CYTH1: variants seen among roughly 807,000 people sequenced by gnomAD.
CYTH1 encodes cytohesin-1.
Under a neutral mutation model 61.8 loss-of-function variants are expected in CYTH1, and 18 were observed. The ratio of observed to expected loss-of-function variants is 0.29; its 90% CI spans 0.20 to 0.43. CYTH1 has a LOEUF of 0.43. Ranked by LOEUF, CYTH1 falls within the 20% of genes least tolerant of loss-of-function variation. The pLI is 1.00. For missense variants in CYTH1, 336 were observed against 510.5 expected, an observed-to-expected ratio of 0.66 and a Z score of 3.29; for synonymous variants, 174 against 184.3, an observed-to-expected ratio of 0.94 and a Z score of 0.45.
At position 78,701,735 on chromosome 17, in the gene CYTH1, G is replaced by T. The variant is rs2093011633; in HGVS notation, c.373C>A (p.Gln125Lys). The T allele has an allele frequency of 1.2e-6, 2 of 1,613,988 alleles. No homozygotes were observed. The highest frequency in any genetic ancestry group is 1.1e-5 in the South Asian group (1 of 91,080). The change falls in exon 6 of 14, where the codon CAG (glutamine) becomes AAG (lysine). Residue 125 changes from glutamine to lysine, a missense_variant. Transcript: ENST00000446868. ...YLGERDEFNIQVLHAFVELHE... is the reference protein window; with the variant it reads ...YLGERDEFNIKVLHAFVELHE... ...AGCTCCACAAATGCATGAAGAACCT[G>T]GATATTAAACTCATCTCTATCGAGA...
chr17:78,759,258 A>T (rs762310550), intron 1 of CYTH1, among the ~76,000 whole-genome samples: 2 of 152,138 alleles, frequency 1.3e-5, no homozygotes, highest in Non-Finnish European at 2.9e-5. Context: ...ACTAAAAGGT[A>T]CTCTCCAAAG....
chr17:78,736,743 G>C (rs369978896), intron 1 of CYTH1: 1 of 412,196 alleles, frequency 2.4e-6, no homozygotes, highest in South Asian at 1.8e-5. Flanking sequence ...AGCGGGACAC[G>C]AAAAGTCCGT....
intron 1 of CYTH1, among the ~76,000 whole-genome samples, chr17:78,744,569 A>C (rs1345130588): frequency 6.6e-6 from 1 of 152,174 alleles, no homozygotes; most frequent in Non-Finnish European, 1.5e-5. Flanking sequence ...GGTTCCTTCT[A>C]CTTTGGTTAC....
intron 1 of CYTH1, among the ~76,000 whole-genome samples, chr17:78,741,159 T>C (rs2093340434): frequency 6.6e-6 from 1 of 152,246 alleles, no homozygotes; most frequent in Non-Finnish European, 1.5e-5. Flanking sequence ...TTTTAATTAA[T>C]AAATCCCTTA....
intron 1 of CYTH1, among the ~76,000 whole-genome samples, chr17:78,780,435 G>C (rs1432195707): frequency 6.6e-6 from 1 of 152,232 alleles, no homozygotes; most frequent in Non-Finnish European, 1.5e-5. Flanking sequence ...AGGATTGCTT[G>C]AGCCAAGGAA....
chr17:78,767,232 C>T (rs554896457), intron 1 of CYTH1, among the ~76,000 whole-genome samples: 1 of 152,226 alleles, frequency 6.6e-6, no homozygotes, highest in African/African-American at 2.4e-5. Flanking sequence ...CTTTGGGAGT[C>T]CGAGATGGGA....
chr17:78,703,411 CAAAA>C (rs67437891), intron 3 of CYTH1, among the ~76,000 whole-genome samples: 2 of 69,680 alleles, frequency 2.9e-5, no homozygotes, highest in Admixed American at 1.9e-4. Flanking sequence ...ACTCCGTCTC[CAAAA>C]AAAAAAAAAA....
At chr17:78,685,163 C>A (rs1191696959) in intron 11 of CYTH1, among the ~76,000 whole-genome samples, 1 of 139,208 alleles carries the variant, frequency 7.2e-6, no homozygotes, top group Non-Finnish European at 1.5e-5. Flanking sequence ...AAGATCGTGC[C>A]ACTGGACTCC....
Position 78,708,217 on chromosome 17 carries a change from G to A in CYTH1, c.150C>T (p.Asn50=), listed in dbSNP as rs763885158. 1.9e-6 allele frequency: 3 copies of A among 1,613,360 alleles called. No homozygotes were observed. In the East Asian group the frequency reaches 6.7e-5, roughly 36 times the overall value. The change falls in exon 3 of 14, where the codon AAC becomes AAT. Residue 50 remains asparagine, a synonymous_variant. Coordinates refer to ENST00000446868, the MANE Select transcript of CYTH1 (RefSeq NM_004762.6). ...CTCACCTTTCCTCTGTGGATCCCAG[G>A]TTTTCAATTTCATTAGCTACTTCTG... ...EIAEVANEIE[N]LGSTEERKNM... is the part of the protein sequence containing the mutation.
intron 1 of CYTH1, among the ~76,000 whole-genome samples, chr17:78,731,082 T>C (rs1393904546): frequency 6.6e-6 from 1 of 152,160 alleles, no homozygotes; most frequent in East Asian, 1.9e-4. Context: ...GTGTATTACC[T>C]AGGGCTACAG....
chr17:78,756,996 T>TC (rs1236890073), intron 1 of CYTH1, among the ~76,000 whole-genome samples: 6 of 148,180 alleles, frequency 4.0e-5, no homozygotes, highest in East Asian at 1.9e-4. Flanking sequence ...TTCTTTTTTT[T>TC]TTTTTTTTTT....
At chr17:78,745,308 A>G (rs1462240857) in intron 1 of CYTH1, among the ~76,000 whole-genome samples, 1 of 152,214 alleles carries the variant, frequency 6.6e-6, no homozygotes, top group Admixed American at 6.5e-5. Context: ...AACATGTCAA[A>G]AAGACTTTGG....
chr17:78,776,737 T>G (rs908086488), intron 1 of CYTH1, among the ~76,000 whole-genome samples: 2 of 151,908 alleles, frequency 1.3e-5, no homozygotes, highest in African/African-American at 4.8e-5. Context: ...TTTACGATTT[T>G]TTTCTTTTTC....
intron 1 of CYTH1, among the ~76,000 whole-genome samples, chr17:78,778,539 G>A (rs914130146): frequency 6.8e-6 from 1 of 146,760 alleles, no homozygotes; most frequent in Admixed American, 6.9e-5. Context: ...TTGGGAGGCT[G>A]AGGCAGAAGA....
At chr17:78,731,674 C>T (rs572601721) in intron 1 of CYTH1, among the ~76,000 whole-genome samples, 4 of 147,688 alleles carry the variant, frequency 2.7e-5, no homozygotes, top group African/African-American at 7.5e-5. Context: ...AGGAGAATGG[C>T]GTGAACCCGG....
In CYTH1 at chr17:78,698,367, C is replaced by G. The variant is rs372622338; in HGVS notation, c.713G>C (p.Ser238Thr). The G allele has an allele frequency of 1.5e-5, 24 of 1,611,308 alleles. No individual in the cohort carries two copies. Among genetic ancestry groups the G allele is most frequent in the Non-Finnish European group, 2.0e-5 (24 of 1,178,126 alleles). ...PEELLRNLYE[S>T]IKNEPFKIPE... ...GATTTTAAAGGGTTCATTTTTTATGCTCTCATAGAGATTCTGGGATAAAAG... is the reference window on the plus strand; with the variant it reads ...GATTTTAAAGGGTTCATTTTTTATGGTCTCATAGAGATTCTGGGATAAAAG... Residue 238 changes from serine to threonine, a missense_variant, in exon 9 of 14, where the codon AGC becomes ACC. Transcript: ENST00000446868.
intron 1 of CYTH1, among the ~76,000 whole-genome samples, chr17:78,766,087 G>GGA (rs1179156792): frequency 4.6e-5 from 3 of 65,682 alleles, no homozygotes; most frequent in South Asian, 7.9e-4. Context: ...CATCTCTACA[G>GGA]AAAAAAAAAA....
intron 1 of CYTH1, chr17:78,727,922 A>G (rs2093274962): frequency 6.1e-6 from 2 of 327,636 alleles, no homozygotes; most frequent in Admixed American, 7.9e-5. Flanking sequence ...CACCTTTGAG[A>G]TCCAGGGCAG....
At chr17:78,778,825 G>T (rs1377769282) in intron 1 of CYTH1, among the ~76,000 whole-genome samples, 2 of 152,050 alleles carry the variant, frequency 1.3e-5, no homozygotes, top group Non-Finnish European at 2.9e-5. Context: ...AACAATGGAA[G>T]TTCTGAGGTG....
Sources: allele counts gnomAD v4.1 joint callset (sites outside exome capture counted in the v4.1 genomes callset), GRCh38; gene constraint gnomAD v4.1.1; transcripts MANE v1.5; gene names NCBI Gene and HGNC (gene_info 2026-07-23, HGNC 2026-07-21).